MLLT10: variants seen among roughly 807,000 people sequenced by gnomAD.
The protein encoded by MLLT10 is protein AF-10.
A neutral mutation model predicts 129.1 loss-of-function variants in MLLT10; 30 were observed. The ratio of observed to expected loss-of-function variants is 0.23; its 90% confidence interval spans 0.17 to 0.32. The LOEUF (loss-of-function observed/expected upper bound fraction) is 0.32, where lower values mean the gene tolerates loss of function less well. Ranked by LOEUF, MLLT10 falls within the 10% of genes least tolerant of loss-of-function variation. The probability of loss-of-function intolerance (pLI) is 1.00; values close to 1 mark genes in which losing one functional copy is unlikely to be tolerated. For synonymous variants in MLLT10, 490 were observed against 446.4 expected, an observed-to-expected ratio of 1.10 and a Z score of -1.23; for missense variants, 1,119 against 1,268.3, an observed-to-expected ratio of 0.88 and a Z score of 1.79.
intron 3 of MLLT10, among the ~76,000 whole-genome samples, chr10:21,566,336 C>CTT (rs879190625): frequency 7.0e-6 from 1 of 142,584 alleles, no homozygotes; most frequent in Non-Finnish European, 1.5e-5. Flanking sequence ...CCCCCACCCC[C>CTT]TTTTTTTTTT....
Position 21,730,761 on chromosome 10 carries a change from C to T in MLLT10, c.2064-139C>T, listed in dbSNP as rs1168367608. Reference sequence around the variant, plus strand: ...TAGGGTAGATTATGGTTTTCTAAATCCAGGAACCTGATACTTCTGGCATAG... The same window carrying T: ...TAGGGTAGATTATGGTTTTCTAAATTCAGGAACCTGATACTTCTGGCATAG... On this transcript the variant is annotated intron_variant, in intron 16 of 22. Transcript: ENST00000307729. The T allele has an allele frequency of 1.1e-5, 8 of 755,324 alleles. No individual in the cohort carries two copies. The South Asian group carries it at 1.5e-4, about 14-fold the overall frequency. The allele number at this position is 755,324 out of a possible 1,614,324, so 46.8% of individuals were successfully genotyped here.
intron 5 of MLLT10, among the ~76,000 whole-genome samples, chr10:21,607,318 CTTT>C (rs34563495): frequency 1.6e-5 from 2 of 124,056 alleles, no homozygotes; most frequent in Non-Finnish European, 1.7e-5. Flanking sequence ...GTACTCTATG[CTTT>C]TTTTTTTTTT....
intron 4 of MLLT10, among the ~76,000 whole-genome samples, chr10:21,591,721 A>G (rs2042524815): frequency 6.7e-6 from 1 of 150,058 alleles, no homozygotes; most frequent in Non-Finnish European, 1.5e-5. Flanking sequence ...CTGAGTGTAC[A>G]ACTTTTTTTT....
chr10:21,676,234 G>A (rs951248607), intron 11 of MLLT10, among the ~76,000 whole-genome samples: 6 of 151,908 alleles, frequency 3.9e-5, no homozygotes, highest in Admixed American at 6.6e-5. Context: ...TGGAGACCAC[G>A]GTGAAACCCT....
chr10:21,727,807 C>T (rs771961115), intron 15 of MLLT10, 49 bp from the exon 16 acceptor site: 61 of 1,463,070 alleles, frequency 4.2e-5, no homozygotes, highest in Non-Finnish European at 5.4e-5. Flanking sequence ...TTTAAAACCT[C>T]TTATCTAGTG....
chr10:21,603,840 T>A (rs1027227265), intron 5 of MLLT10, among the ~76,000 whole-genome samples: 2 of 151,784 alleles, frequency 1.3e-5, no homozygotes, highest in Non-Finnish European at 2.9e-5. Context: ...TTTTTTTTTT[T>A]AATCACCCTA....
In MLLT10 at chr10:21,640,693, A is replaced by G. The variant is rs376843595; in HGVS notation, c.700-10980A>G. Reference sequence around the variant, plus strand: ...TTTCTGTCTTCTGAGGCTATTCACTATATGAGCAACCTTGAAAAGATAATC... The same window carrying G: ...TTTCTGTCTTCTGAGGCTATTCACTGTATGAGCAACCTTGAAAAGATAATC... On this transcript the variant is annotated intron_variant, in intron 8 of 22. Transcript: ENST00000307729. Among the ~76,000 whole-genome samples the G allele has an allele frequency of 2.6e-5, 4 of 152,302 alleles. No individual in the cohort carries two copies. The East Asian group carries it at 7.7e-4, about 29-fold the overall frequency.
chr10:21,719,361 G>C (rs538791203), intron 14 of MLLT10, among the ~76,000 whole-genome samples: 7 of 152,038 alleles, frequency 4.6e-5, no homozygotes, highest in Non-Finnish European at 8.8e-5. Context: ...ACCTTTCTGA[G>C]GAAAATCAGT....
chr10:21,557,270 G>A (rs1395602093), intron 3 of MLLT10: 5 of 809,510 alleles, frequency 6.2e-6, no homozygotes, highest in South Asian at 4.2e-5. Context: ...TATGAAATCT[G>A]TATTTGATAT....
At chr10:21,646,955 A>G (rs1457610581) in intron 8 of MLLT10, among the ~76,000 whole-genome samples, 2 of 148,728 alleles carry the variant, frequency 1.3e-5, no homozygotes, top group African/African-American at 2.5e-5. Flanking sequence ...TCTCGAGTTG[A>G]TGCCATTCTT....
At chr10:21,734,496 C>T (rs942532584) in intron 20 of MLLT10, among the ~76,000 whole-genome samples, 28 of 152,230 alleles carry the variant, frequency 1.8e-4, no homozygotes, top group African/African-American at 6.5e-4. Flanking sequence ...TTTTAATGTT[C>T]TAATCAAAGA....
At chr10:21,651,840 G>A (rs2049062258) in intron 9 of MLLT10, 72 bp downstream of exon 9, 5 of 706,112 alleles carry the variant, frequency 7.1e-6, no homozygotes, top group Middle Eastern at 4.4e-4. Flanking sequence ...TCTAAAAACT[G>A]TTTTCATTCC....
chr10:21,644,729 C>T (rs538512396), intron 8 of MLLT10, among the ~76,000 whole-genome samples: 30 of 152,204 alleles, frequency 2.0e-4, no homozygotes, highest in African/African-American at 7.0e-4. Context: ...GCAGCCTCCA[C>T]CTCTTGGGTC....
intron 13 of MLLT10, among the ~76,000 whole-genome samples, chr10:21,710,177 T>C (rs2055937848): frequency 6.6e-6 from 1 of 152,260 alleles, no homozygotes; most frequent in Admixed American, 6.5e-5. Flanking sequence ...GGTTCTCTTC[T>C]CTTGATCATG....
intron 16 of MLLT10, 87 bp from the exon 17 acceptor site, chr10:21,730,813 A>G (rs2057908101): frequency 1.4e-6 from 2 of 1,435,714 alleles, no homozygotes; most frequent in South Asian, 2.4e-5. Flanking sequence ...AAACTCATAC[A>G]GGAGAAAAGG....
intron 4 of MLLT10, among the ~76,000 whole-genome samples, chr10:21,590,459 C>T (rs2042390175): frequency 6.6e-6 from 1 of 152,056 alleles, no homozygotes; most frequent in Non-Finnish European, 1.5e-5. Context: ...CTGCCTCAGC[C>T]TCCCAAGTAG....
intron 8 of MLLT10, chr10:21,624,855 C>T: frequency 9.0e-7 from 1 of 1,105,464 alleles, no homozygotes; most frequent in Non-Finnish European, 1.3e-6. Context: ...TGCAGGACCC[C>T]CTCTGCCACC....
chr10:21,668,237 A>G (rs905044206), intron 9 of MLLT10, among the ~76,000 whole-genome samples: 1 of 152,128 alleles, frequency 6.6e-6, no homozygotes, highest in African/African-American at 2.4e-5. Flanking sequence ...GTGAGGAAAC[A>G]AGATTTTGTG....
chr10:21,586,937 T>G (rs2042045205), intron 4 of MLLT10, among the ~76,000 whole-genome samples: 1 of 150,014 alleles, frequency 6.7e-6, no homozygotes, highest in Non-Finnish European at 1.5e-5. Flanking sequence ...TGTTAGGAAT[T>G]TTTTTTTTTT....
Sources: allele counts gnomAD v4.1 joint callset (sites outside exome capture counted in the v4.1 genomes callset), GRCh38; gene constraint gnomAD v4.1.1; transcripts MANE v1.5; gene names NCBI Gene and HGNC (gene_info 2026-07-23, HGNC 2026-07-21).